Variants in PCMTD1 observed in about 807,000 individuals in gnomAD.
PCMTD1 encodes protein-L-isoaspartate O-methyltransferase domain-containing protein 1.
PCMTD1 carries 12 observed loss-of-function variants against 37.6 expected under a neutral mutation model. That is an observed-to-expected ratio of 0.32 (90% CI 0.20 to 0.52). The LOEUF is 0.52. Ranked by LOEUF, PCMTD1 falls within the 20% of genes least tolerant of loss-of-function variation. PCMTD1 has a pLI of 0.97. For synonymous variants in PCMTD1, 117 were observed against 135.8 expected (o/e 0.86, Z 0.96); for missense variants, 235 against 421.3 (o/e 0.56, Z 3.87).
At chr8:51,858,930 A>G (rs559089771) in intron 2 of PCMTD1, among the ~76,000 whole-genome samples, 7 of 152,310 alleles carry the variant, frequency 4.6e-5, no homozygotes, top group South Asian at 2.1e-4. Context: ...TCATGATACA[A>G]TAAGTTTGAC....
At chr8:51,854,565 G>GC (rs2038355148) in intron 2 of PCMTD1, among the ~76,000 whole-genome samples, 1 of 152,110 alleles carries the variant, frequency 6.6e-6, no homozygotes, top group Non-Finnish European at 1.5e-5. Context: ...TGCTCACAGA[G>GC]CCCCAAATAA....
At chr8:51,859,201 G>A (rs1296566111) in intron 2 of PCMTD1, among the ~76,000 whole-genome samples, 1 of 152,036 alleles carries the variant, frequency 6.6e-6, no homozygotes, top group Non-Finnish European at 1.5e-5. Context: ...AGAGTTGCCA[G>A]AGCTGGTTAA....
intron 1 of PCMTD1, among the ~76,000 whole-genome samples, chr8:51,880,949 T>TA (rs1214291920): frequency 1.3e-5 from 2 of 152,218 alleles, no homozygotes; most frequent in African/African-American, 4.8e-5. Context: ...TGTCATAAAA[T>TA]AGTCTTCCAA....
chr8:51,845,432 C>A (rs2129280784), intron 3 of PCMTD1: 3 of 378,438 alleles, frequency 7.9e-6, no homozygotes, highest in East Asian at 4.5e-5. Context: ...TTCAACATTA[C>A]TAATAAAGTT....
intron 5 of PCMTD1, among the ~76,000 whole-genome samples, chr8:51,829,333 C>G (rs1462421102): frequency 6.6e-6 from 1 of 152,234 alleles, no homozygotes; most frequent in African/African-American, 2.4e-5. Context: ...GCAAGCCTCT[C>G]TGCATCATCG....
chr8:51,829,346 C>T (rs1408799236), intron 5 of PCMTD1, among the ~76,000 whole-genome samples: 26 of 152,196 alleles, frequency 1.7e-4, no homozygotes, highest in Non-Finnish European at 3.8e-4. Flanking sequence ...CATCATCGCA[C>T]ACATTCTTCC....
At chr8:51,893,847 T>C (rs989069369) in intron 1 of PCMTD1, among the ~76,000 whole-genome samples, 2 of 152,174 alleles carry the variant, frequency 1.3e-5, no homozygotes, top group African/African-American at 4.8e-5. Flanking sequence ...TCAAATATAC[T>C]GCTTAAATAC....
chr8:51,861,128 C>G lies in PCMTD1; in HGVS notation c.24G>C (p.Gly8=), dbSNP rs2038463738. 1.4e-5 allele frequency: 22 copies of G among 1,613,650 alleles called. No individual in the cohort carries two copies. The highest frequency in any genetic ancestry group is 1.8e-5 in the Non-Finnish European group (21 of 1,179,686). MGGAVSA[G]EDNDDLIDNL... is the part of the protein sequence containing the mutation. The stretch of plus-strand genomic sequence containing the variant: ...TATCAATTAAGTCATCATTATCTTC[C>G]CCAGCACTCACAGCTCCTCCCATGA... Residue 8 remains glycine, a synonymous_variant, in exon 2 of 6, where the codon GGG becomes GGC. Coordinates refer to ENST00000522514, the MANE Select transcript of PCMTD1 (RefSeq NM_052937.4).
intron 1 of PCMTD1, among the ~76,000 whole-genome samples, chr8:51,878,283 T>C (rs2038743376): frequency 6.9e-6 from 1 of 145,390 alleles, no homozygotes; most frequent in East Asian, 2.0e-4. Context: ...CAGCTATCCT[T>C]AGCATTAGTG....
intron 4 of PCMTD1, among the ~76,000 whole-genome samples, chr8:51,832,064 T>C (rs2038005817): frequency 6.6e-6 from 1 of 152,198 alleles, no homozygotes; most frequent in Non-Finnish European, 1.5e-5. Flanking sequence ...GTTTTATCAT[T>C]TCAGCAAATG....
At chr8:51,899,133 G>A (rs1369458460), upstream of PCMTD1, 5 of 1,379,160 alleles carry the variant, frequency 3.6e-6, no homozygotes, top group Non-Finnish European at 4.7e-6. Context: ...CACGGGCACA[G>A]GGGCAGCTCC....
At chr8:51,843,630 A>C (rs2038178155) in intron 3 of PCMTD1, among the ~76,000 whole-genome samples, 1 of 152,122 alleles carries the variant, frequency 6.6e-6, no homozygotes, top group African/African-American at 2.4e-5. Flanking sequence ...ATTTTTAAAA[A>C]TTGAGATACT....
chr8:51,832,733 C>T (rs902329112), intron 4 of PCMTD1, among the ~76,000 whole-genome samples: 1 of 152,086 alleles, frequency 6.6e-6, no homozygotes, highest in African/African-American at 2.4e-5. Context: ...TTTAATAATG[C>T]TCATAAATAG....
intron 1 of PCMTD1, among the ~76,000 whole-genome samples, chr8:51,862,845 T>C (rs1163673960): frequency 6.6e-6 from 1 of 152,182 alleles, no homozygotes. Context: ...TTATAAAAAG[T>C]TGCCTGGCTC....
intron 5 of PCMTD1, among the ~76,000 whole-genome samples, chr8:51,826,362 G>A (rs1013214520): frequency 1.3e-5 from 2 of 151,334 alleles, no homozygotes; most frequent in Non-Finnish European, 2.9e-5. Flanking sequence ...ACCAGGGCCT[G>A]TCAAGGGATG....
rs1056862417 is a variant in PCMTD1, at chr8:51,849,781, A to G, written c.308-4018T>C. ...CCCAAGCTTGCACATAAAAGTTAATAATTATTAGGTTTAGGCATCAAGTGT... is the reference window on the plus strand; with the variant it reads ...CCCAAGCTTGCACATAAAAGTTAATGATTATTAGGTTTAGGCATCAAGTGT... On this transcript the variant is annotated intron_variant, in intron 2 of 5. Coordinates refer to ENST00000522514, the MANE Select transcript of PCMTD1 (RefSeq NM_052937.4). 36 of 335,426 alleles carry G rather than the reference A, an allele frequency of 1.1e-4. 1 individual carries two copies. In the Admixed American group the frequency reaches 1.5e-3, roughly 14 times the overall value. 20.8% of individuals were successfully genotyped at this position (335,426 alleles called of 1,614,324 possible).
intron 2 of PCMTD1, among the ~76,000 whole-genome samples, chr8:51,847,237 A>C (rs957999352): frequency 3.3e-5 from 5 of 152,246 alleles, no homozygotes; most frequent in African/African-American, 1.2e-4. Flanking sequence ...GTGACTTTTC[A>C]ATATATTAAA....
chr8:51,881,577 G>C (rs1017678701), intron 1 of PCMTD1, among the ~76,000 whole-genome samples: 1 of 152,048 alleles, frequency 6.6e-6, no homozygotes, highest in African/African-American at 2.4e-5. Flanking sequence ...CCTTCATTTG[G>C]AGCCCAACAG....
chr8:51,841,762 A>C (rs970847980), intron 3 of PCMTD1, among the ~76,000 whole-genome samples: 1 of 152,184 alleles, frequency 6.6e-6, no homozygotes, highest in African/African-American at 2.4e-5. Flanking sequence ...CCAGATATCT[A>C]AAGGCCTTTA....
Sources: gnomAD v4.1 joint callset for allele counts (sites outside exome capture counted in the v4.1 genomes callset) on GRCh38, gnomAD v4.1.1 for gene constraint, MANE v1.5 for transcripts, NCBI Gene and HGNC (gene_info 2026-07-23, HGNC 2026-07-21) for gene names.